RPL3: variants seen among roughly 807,000 people sequenced by gnomAD.
RPL3 encodes the protein large ribosomal subunit protein uL3.
Under a neutral mutation model 46.0 loss-of-function variants are expected in RPL3, and 3 were observed. The ratio of observed to expected loss-of-function variants is 0.07; its 90% CI spans 0.03 to 0.17. The LOEUF (loss-of-function observed/expected upper bound fraction) is 0.17. Among genes scored for constraint, RPL3 ranks in the 10% least tolerant of loss-of-function variants. The pLI is 1.00. For synonymous variants in RPL3, 224 were observed against 190.8 expected, an observed-to-expected ratio of 1.17 and a Z score of -1.43; for missense variants, 387 against 532.7, an observed-to-expected ratio of 0.73 and a Z score of 2.69.
intron 4 of RPL3, among the ~76,000 whole-genome samples, chr22:39,316,151 A>ACC (rs1432621156): frequency 6.6e-6 from 1 of 152,172 alleles, no homozygotes; most frequent in African/African-American, 2.4e-5. Context: ...AGGCAGGAGA[A>ACC]TAGCTTGAAC....
At chr22:39,318,717 G>C (rs116146478) in intron 1 of RPL3, 125 bp from the exon 2 acceptor site, 3 of 768,818 alleles carry the variant, frequency 3.9e-6, no homozygotes, top group Admixed American at 3.0e-5. Context: ...CCAGCAAGCC[G>C]AATAAAAAGG....
At chr22:39,319,510 G>C (rs1189553325) in intron 1 of RPL3, 85 bp downstream of exon 1, 1 of 1,538,146 alleles carries the variant, frequency 6.5e-7, no homozygotes, top group Admixed American at 2.0e-5. Context: ...CCCGGCGCCG[G>C]CCAAGACGGG....
chr22:39,318,703 A>C (rs978689260), intron 1 of RPL3, 111 bp from the exon 2 acceptor site: 5 of 873,184 alleles, frequency 5.7e-6, no homozygotes, highest in Non-Finnish European at 8.5e-6. Flanking sequence ...TCCTGACCAG[A>C]CACCCAGCAA....
At chr22:39,318,356 C>G in intron 2 of RPL3, 44 bp downstream of exon 2, 1 of 1,590,034 alleles carries the variant, frequency 6.3e-7, no homozygotes. Flanking sequence ...ATTTCCCTCC[C>G]CCTCCACTCC....
intron 1 of RPL3, 152 bp from the exon 2 acceptor site, chr22:39,318,744 G>A (rs1396672505): frequency 2.5e-5 from 16 of 645,296 alleles, no homozygotes; most frequent in Non-Finnish European, 3.7e-5. Context: ...TCTCTTCCAG[G>A]CTCGCACGTG....
In RPL3 at chr22:39,318,559, A is replaced by C. The variant is rs1418605660; in HGVS notation, c.37T>G (p.Ser13Ala). ...HRKFSAPRHG[S>A]LGFLPRKRSS... ...CGCTTCCGAGGCAGGAAGCCGAGGG[A>C]CCCATGTCTGGGAGCGGAGAACTTT... Residue 13 changes from serine (S) to alanine (A), a missense_variant, in exon 2 of 10, where the codon TCC becomes GCC. Physicochemically the swap from Ser to Ala is moderately conservative, Grantham distance 99. Around this residue, in one of 5 missense-constraint regions of RPL3, gnomAD observed 8 missense variants for 23.8 expected, o/e 0.34. Transcript: ENST00000216146. 1.9e-6 allele frequency: 3 copies of C among 1,612,386 alleles called. No homozygotes were observed. Among genetic ancestry groups the C allele is most frequent in the Non-Finnish European group, 2.5e-6 (3 of 1,179,302 alleles).
intron 3 of RPL3, chr22:39,317,174 G>A: frequency 3.5e-6 from 2 of 570,610 alleles, no homozygotes; most frequent in East Asian, 3.0e-5. Flanking sequence ...ACCCCTATAG[G>A]GGTTTAATTA....
chr22:39,314,271 G>A (rs1389359640), intron 6 of RPL3, 63 bp from the exon 7 acceptor site: 4 of 1,409,960 alleles, frequency 2.8e-6, no homozygotes, highest in African/African-American at 2.9e-5. Context: ...ACATGCCAGT[G>A]TGCTGACCTG....
At chr22:39,314,447 T>C in intron 6 of RPL3, 1 of 629,462 alleles carries the variant, frequency 1.6e-6, no homozygotes, top group South Asian at 2.0e-5. Flanking sequence ...GGTGGTGGCA[T>C]CAGGGACCAA....
chr22:39,313,921 G>C, intron 7 of RPL3, 186 bp downstream of exon 7: 1 of 833,120 alleles, frequency 1.2e-6, no homozygotes, highest in Non-Finnish European at 2.1e-6. Context: ...CTGAGCCTGA[G>C]ACCCCACTTC....
At chr22:39,319,377 C>G (rs1312984520) in intron 1 of RPL3, 1 of 648,662 alleles carries the variant, frequency 1.5e-6, no homozygotes, top group Non-Finnish European at 2.7e-6. Context: ...CTTACGGCCT[C>G]TCTCTGGCCG....
chr22:39,315,298 A>G, intron 5 of RPL3, 71 bp downstream of exon 5: 1 of 1,598,446 alleles, frequency 6.3e-7, no homozygotes, highest in Non-Finnish European at 8.6e-7. Context: ...GAGCCTCATC[A>G]ACGAACAGCT....
rs747032893 is a variant in RPL3, at chr22:39,319,556, C to T, written c.3+39G>A. The T allele has an allele frequency of 1.9e-6, 3 of 1,560,372 alleles. No individual in the cohort carries two copies. In the African/African-American group the frequency reaches 4.1e-5, roughly 21 times the overall value. ...TGCGTCGCGGATTCAGCCGTGCCGA[C>T]GCCGGTGACAATGAAACGGCCGCCA... On this transcript the variant is annotated intron_variant, in intron 1 of 9. Transcript: ENST00000216146.
chr22:39,317,292 C>G, intron 3 of RPL3, 169 bp downstream of exon 3: 1 of 773,336 alleles, frequency 1.3e-6, no homozygotes, highest in Non-Finnish European at 2.0e-6. Flanking sequence ...CGGCTGAAAC[C>G]AGATGGCTGG....
Position 39,314,090 on chromosome 22 carries a change from G to A in RPL3, c.951+17C>T. On this transcript the variant is annotated intron_variant, in intron 7 of 9. Transcript: ENST00000216146. ...AGGCCTGGGATGGCCTCACAGAGCA[G>A]AACACCCATTACTTACCAGAGGGTT... 1 of 1,605,496 alleles carries A rather than the reference G, an allele frequency of 6.2e-7. No homozygotes were observed. The highest frequency in any genetic ancestry group is 8.5e-7 in the Non-Finnish European group (1 of 1,173,198).
At chr22:39,313,157 A>G (rs2146509148) in intron 9 of RPL3, 34 bp downstream of exon 9, 1 of 1,604,216 alleles carries the variant, frequency 6.2e-7, no homozygotes, top group Non-Finnish European at 8.5e-7. Context: ...CCAAGCCACC[A>G]CACCCAGCGA....
At chr22:39,319,430 C>A in intron 1 of RPL3, 165 bp downstream of exon 1, 2 of 950,368 alleles carry the variant, frequency 2.1e-6, no homozygotes, top group African/African-American at 1.6e-5. Context: ...TCTTCACAAG[C>A]CTCTCGACTT....
chr22:39,314,253 T>C (rs1922541636), intron 6 of RPL3, 45 bp from the exon 7 acceptor site: 2 of 1,533,866 alleles, frequency 1.3e-6, no homozygotes, highest in Admixed American at 3.3e-5. Context: ...TAGGGACAAA[T>C]AACCCAGACA....
intron 7 of RPL3, 58 bp downstream of exon 7, chr22:39,314,049 T>C: frequency 6.9e-7 from 1 of 1,446,746 alleles, no homozygotes; most frequent in Non-Finnish European, 9.7e-7. Context: ...GGAAGCAGCC[T>C]ATCCCCAAAA....
Sources: allele counts gnomAD v4.1 joint callset (sites outside exome capture counted in the v4.1 genomes callset), GRCh38; gene constraint gnomAD v4.1.1; regional missense constraint gnomAD v4.1.1; transcripts MANE v1.5; gene names NCBI Gene and HGNC (gene_info 2026-07-23, HGNC 2026-07-21).